Variants in COL12A1 observed in about 807,000 individuals in gnomAD.
COL12A1 encodes the protein collagen type XII alpha 1 chain, also known as collagen alpha-1(XII) chain.
Under a neutral mutation model 349.7 loss-of-function variants are expected in COL12A1, and 114 were observed. That is an observed-to-expected ratio of 0.33 (90% CI 0.28 to 0.38). COL12A1 has a LOEUF of 0.38. COL12A1 is among the 10% of genes least tolerant of loss of function. COL12A1 has a pLI of 1.00. For missense variants in COL12A1, 3,284 were observed against 3,756.9 expected (o/e 0.87, Z 3.29); for synonymous variants, 1,369 against 1,329.0 (o/e 1.03, Z -0.66).
In COL12A1 at chr6:75,132,039, T is replaced by C; in HGVS notation, c.5838A>G (p.Thr1946=). ...LARNVQVYNP[T]PNSLDVRWDP... is the part of the protein sequence containing the mutation. Reference sequence around the variant, plus strand: ...CCCAGCGAACATCGAGGCTGTTAGGTGTAGGATTGTATACTTGGACATTTC... The same window carrying C: ...CCCAGCGAACATCGAGGCTGTTAGGCGTAGGATTGTATACTTGGACATTTC... Residue 1946 remains threonine, a synonymous_variant, in exon 35 of 66, where the codon ACA becomes ACG. Transcript: ENST00000322507. 1 of 1,614,114 alleles carries C rather than the reference T, an allele frequency of 6.2e-7. No individual in the cohort carries two copies. Among genetic ancestry groups the C allele is most frequent in the Non-Finnish European group, 8.5e-7 (1 of 1,179,976 alleles).
At chr6:75,182,418 G>T (rs751908425) in intron 10 of COL12A1, among the ~76,000 whole-genome samples, 1 of 151,580 alleles carries the variant, frequency 6.6e-6, no homozygotes, top group African/African-American at 2.4e-5. Context: ...GTGTCCATGT[G>T]TTCTCATTAT....
intron 11 of COL12A1, among the ~76,000 whole-genome samples, chr6:75,179,494 CA>C (rs1453233886): frequency 6.7e-6 from 1 of 148,850 alleles, no homozygotes; most frequent in African/African-American, 2.5e-5. Context: ...CTTCTTAGAC[CA>C]TTTAGTTTAT....
At chr6:75,110,742 T>C (rs1768798625) in intron 51 of COL12A1, among the ~76,000 whole-genome samples, 1 of 152,034 alleles carries the variant, frequency 6.6e-6, no homozygotes. Context: ...TTTTAGTTAA[T>C]CCCTCTCCCC....
intron 14 of COL12A1, among the ~76,000 whole-genome samples, chr6:75,159,413 TATATATAAAATATATATTATTATATAAAA>T (rs1285219042): frequency 6.8e-6 from 1 of 147,428 alleles, no homozygotes; most frequent in African/African-American, 2.4e-5. Context: ...AAAAAGTTTA[TATATATAAAATATATATTATTATATAAAA>T]ATATATATTA....
At chr6:75,143,185 T>C (rs1191136862) in intron 26 of COL12A1, 67 bp downstream of exon 26, 1 of 1,571,356 alleles carries the variant, frequency 6.4e-7, no homozygotes, top group Non-Finnish European at 8.7e-7. Context: ...CCATACTTGA[T>C]AAAGTTCTTT....
chr6:75,202,251 C>A (rs965144530), intron 2 of COL12A1, among the ~76,000 whole-genome samples: 4 of 152,222 alleles, frequency 2.6e-5, no homozygotes, highest in African/African-American at 9.7e-5. Flanking sequence ...GCAGAGCCAG[C>A]GCTGTTGGAG....
intron 22 of COL12A1, 93 bp downstream of exon 22, chr6:75,148,265 C>G (rs1767301600): frequency 7.6e-7 from 1 of 1,309,548 alleles, no homozygotes; most frequent in African/African-American, 1.5e-5. Context: ...CTTCATCCCT[C>G]TTGCCCCTCA....
Position 75,123,358 on chromosome 6 carries a change from G to T in COL12A1, c.6918C>A (p.Pro2306=), listed in dbSNP as rs1562162011. Residue 2306 remains proline, a synonymous_variant, in exon 43 of 66, where the codon CCC becomes CCA. Transcript: ENST00000322507. The part of the protein sequence containing the change: ...EAPTEPPTPP[P]PPTIPPARDV... ...CCCGGGCTGGTGGAATGGTGGGAGGGGGAGGAGGTGTGGGTGGCTCTGTAG... is the reference window on the plus strand; with the variant it reads ...CCCGGGCTGGTGGAATGGTGGGAGGTGGAGGAGGTGTGGGTGGCTCTGTAG... 1.2e-6 allele frequency: 2 copies of T among 1,607,712 alleles called. No individual in the cohort carries two copies. Among genetic ancestry groups the T allele is most frequent in the Admixed American group, 3.4e-5 (2 of 59,442 alleles).
chr6:75,116,470 A>G (rs1201791678), intron 47 of COL12A1, among the ~76,000 whole-genome samples: 2 of 151,994 alleles, frequency 1.3e-5, no homozygotes, highest in Non-Finnish European at 2.9e-5. Flanking sequence ...GCTACCAAAC[A>G]CCATGTAACA....
At chr6:75,162,809 T>G (rs990679484) in intron 14 of COL12A1, among the ~76,000 whole-genome samples, 12 of 152,072 alleles carry the variant, frequency 7.9e-5, no homozygotes, top group African/African-American at 2.9e-4. Context: ...TGAAACAGAT[T>G]TACAAGAAAA....
At chr6:75,178,890 T>A (rs887537541) in intron 11 of COL12A1, among the ~76,000 whole-genome samples, 1 of 152,194 alleles carries the variant, frequency 6.6e-6, no homozygotes, top group African/African-American at 2.4e-5. Flanking sequence ...AAATGGTAGT[T>A]GGCCAACTTA....
intron 54 of COL12A1, 62 bp downstream of exon 54, chr6:75,105,144 A>G: frequency 7.0e-7 from 1 of 1,422,940 alleles, no homozygotes; most frequent in Non-Finnish European, 9.8e-7. Flanking sequence ...CATATTGGCA[A>G]ATAGATAATC....
chr6:75,156,271 C>A lies in COL12A1; in HGVS notation c.3236G>T (p.Gly1079Val). ...TTATTTCATACCTGTTGTTCCTGAT[C>A]CTTGCCTAAGCTTTCCTTCTCCCAT... ...YKMGEGKLRQ[G>V]SGTTASRFKS... The change falls in exon 15 of 66, where the codon GGA becomes GTA. Residue 1079 changes from glycine to valine, a missense_variant. By Grantham distance (109) the Gly-to-Val change is moderately radical. This residue lies in a region of COL12A1 where 2,601 missense variants were observed against 2,824.8 expected (regional missense o/e 0.92). Coordinates refer to ENST00000322507, the MANE Select transcript of COL12A1 (RefSeq NM_004370.6). 1 of 1,613,800 alleles carries A rather than the reference C, an allele frequency of 6.2e-7. No homozygotes were observed. The highest frequency in any genetic ancestry group is 8.5e-7 in the Non-Finnish European group (1 of 1,179,790).
chr6:75,146,195 G>C lies in COL12A1; in HGVS notation c.4467C>G (p.Thr1489=), dbSNP rs773622956. The C allele has an allele frequency of 1.2e-6, 2 of 1,613,270 alleles. No individual in the cohort carries two copies. Among genetic ancestry groups the C allele is most frequent in the Admixed American group, 3.3e-5 (2 of 59,852 alleles). The stretch of plus-strand genomic sequence containing the variant: ...CCACAGGCTGCCACTGCACATGCAT[G>C]GTGGTAGGGCCAACATCATAAATAT... ...SLNIYDVGPT[T]MHVQWQPVGG... Residue 1489 remains threonine, a synonymous_variant, in exon 24 of 66, where the codon ACC becomes ACG. Transcript: ENST00000322507.
chr6:75,087,679 C>G lies in COL12A1; in HGVS notation c.9079G>C (p.Gly3027Arg). ...CGGATACCTGAGTTTCCAGGACGGC[C>G]AGGGGGGCCAGGGGGACCTCTTGAA... ...TGSRGPPGPP[G>R]RPGNSGIRGP... is the part of the protein sequence containing the mutation. The change falls in exon 65 of 66, where the codon GGC becomes CGC. Residue 3027 changes from glycine (G) to arginine (R), a missense_variant. By Grantham distance (125) the Gly-to-Arg change is moderately radical. Around this residue, in one of 2 missense-constraint regions of COL12A1, gnomAD observed 683 missense variants for 932.1 expected, o/e 0.73. Transcript: ENST00000322507. 1 of 1,609,490 alleles carries G rather than the reference C, an allele frequency of 6.2e-7. No homozygotes were observed. The highest frequency in any genetic ancestry group is 8.5e-7 in the Non-Finnish European group (1 of 1,178,600).
intron 59 of COL12A1, among the ~76,000 whole-genome samples, chr6:75,096,667 C>A (rs1329156115): frequency 6.6e-6 from 1 of 152,092 alleles, no homozygotes; most frequent in African/African-American, 2.4e-5. Context: ...GAGGCCGAGG[C>A]CGGCAGATCA....
chr6:75,095,748 C>T (rs1022584554), intron 59 of COL12A1, among the ~76,000 whole-genome samples: 1 of 151,908 alleles, frequency 6.6e-6, no homozygotes, highest in Non-Finnish European at 1.5e-5. Context: ...AAAATACACG[C>T]ATATGTATAT....
chr6:75,116,441 G>A (rs1769083931), intron 47 of COL12A1, among the ~76,000 whole-genome samples: 1 of 152,056 alleles, frequency 6.6e-6, no homozygotes, highest in South Asian at 2.1e-4. Context: ...TCTCTGCCAA[G>A]TCTCCAAGCC....
chr6:75,172,847 G>A lies in COL12A1; in HGVS notation c.2710+2191C>T, dbSNP rs557386091. 4.6e-5 allele frequency among the ~76,000 whole-genome samples: 7 copies of A among 152,262 alleles called. No individual in the cohort carries two copies. In the South Asian group the frequency reaches 8.3e-4, roughly 18 times the overall value. On this transcript the variant is annotated intron_variant, in intron 13 of 65. Coordinates refer to ENST00000322507, the MANE Select transcript of COL12A1 (RefSeq NM_004370.6). ...AGATTTATTTCAACAAAACGCAGAC[G>A]AAAAATACAGTATTCACAGGATGCG...
Sources: gnomAD v4.1 joint callset for allele counts (sites outside exome capture counted in the v4.1 genomes callset) on GRCh38, gnomAD v4.1.1 for gene constraint, gnomAD v4.1.1 regional missense constraint, MANE v1.5 for transcripts, NCBI Gene and HGNC (gene_info 2026-07-23, HGNC 2026-07-21) for gene names.